The following IGSF10 variants were observed in gnomAD, a reference collection of about 807,000 sequenced individuals.
IGSF10 encodes calvaria mechanical force protein 608.
A neutral mutation model predicts 128.2 loss-of-function variants in IGSF10; 126 were observed. The ratio of observed to expected loss-of-function variants is 0.98; its 90% CI spans 0.85 to 1.14. The LOEUF is 1.14. Among genes scored for constraint, IGSF10 ranks in the 50% most tolerant of loss-of-function variants. The pLI is 0.00. For missense variants in IGSF10, 3,295 were observed against 3,149.8 expected, an observed-to-expected ratio of 1.05 and a Z score of -1.10; for synonymous variants, 1,185 against 1,146.2, an observed-to-expected ratio of 1.03 and a Z score of -0.68.
rs1721386292 is a variant in IGSF10, at chr3:151,449,148, T to A, written c.833A>T (p.Gln278Leu). 1.2e-6 allele frequency: 2 copies of A among 1,614,082 alleles called. No homozygotes were observed. Among genetic ancestry groups the A allele is most frequent in the Admixed American group, 1.7e-5 (1 of 60,000 alleles). The change falls in exon 6 of 8, where the codon CAG (glutamine) becomes CTG (leucine). Residue 278 changes from glutamine to leucine, a missense_variant. Coordinates refer to ENST00000282466, the MANE Select transcript of IGSF10 (RefSeq NM_178822.5). Reference protein sequence around the residue: ...PLAMVSAAAFQCAKPTIDSSL... With the variant: ...PLAMVSAAAFLCAKPTIDSSL... ...TGAGTCAATGGTTGGCTTGGCACACTGGAAAGCTGCAGCTGAGACCATAGC... is the reference window on the plus strand; with the variant it reads ...TGAGTCAATGGTTGGCTTGGCACACAGGAAAGCTGCAGCTGAGACCATAGC...
At chr3:151,575,891 T>C in the IGSF10 span, among the ~76,000 whole-genome samples, 2 of 152,200 alleles carry the variant, frequency 1.3e-5, no homozygotes, top group African/African-American at 4.8e-5. Flanking sequence ...TATCAAGGCT[T>C]TCTTTGTGGA....
the IGSF10 span, among the ~76,000 whole-genome samples, chr3:151,559,260 G>T: frequency 6.6e-6 from 1 of 152,156 alleles, no homozygotes; most frequent in Non-Finnish European, 1.5e-5. Flanking sequence ...CCTGAAGGCA[G>T]AGTGTTTTCT....
chr3:151,612,842 T>C, the IGSF10 span, among the ~76,000 whole-genome samples: 11 of 152,036 alleles, frequency 7.2e-5, no homozygotes, highest in South Asian at 6.2e-4. Context: ...CCAACAAGCA[T>C]ATGAAAAAAA....
chr3:151,500,816 T>A, the IGSF10 span, among the ~76,000 whole-genome samples: 1 of 152,108 alleles, frequency 6.6e-6, no homozygotes, highest in African/African-American at 2.4e-5. Flanking sequence ...GTTGTCAAAC[T>A]CAAGGGAACA....
the IGSF10 span, among the ~76,000 whole-genome samples, chr3:151,524,597 G>A: frequency 1.3e-5 from 2 of 152,088 alleles, no homozygotes; most frequent in African/African-American, 4.8e-5. Context: ...TGAACCCAAA[G>A]AAGGAAACAA....
In IGSF10 at chr3:151,446,064, G is replaced by C; in HGVS notation, c.3917C>G (p.Ser1306Ter). 6.2e-7 allele frequency: 1 copy of C among 1,614,114 alleles called. No homozygotes were observed. The highest frequency in any genetic ancestry group is 1.3e-5 in the African/African-American group (1 of 75,022). Residue 1306 changes from serine (S) to a stop codon, truncating the protein, a stop_gained, in exon 6 of 8, where the codon TCA (serine) becomes TGA (stop). Coordinates refer to ENST00000282466, the MANE Select transcript of IGSF10 (RefSeq NM_178822.5). LOFTEE classifies it high-confidence loss of function. The stretch of plus-strand genomic sequence containing the variant: ...CGTTGATATGATGCTTTTTGTACTT[G>C]AGTCTTTGCTTATAATACTAGGAAG... ...PMLPSIISKD[S>*]STKSIISTQT...
At chr3:151,604,886 T>C in the IGSF10 span, among the ~76,000 whole-genome samples, 1 of 152,184 alleles carries the variant, frequency 6.6e-6, no homozygotes, top group African/African-American at 2.4e-5. Flanking sequence ...AATATTTTTG[T>C]CATACAATCA....
the IGSF10 span, among the ~76,000 whole-genome samples, chr3:151,581,020 A>G: frequency 6.6e-6 from 1 of 152,110 alleles, no homozygotes; most frequent in Admixed American, 6.5e-5. Flanking sequence ...CTTTTATCAT[A>G]GCAGAAAAAG....
At chr3:151,606,172 G>C in the IGSF10 span, among the ~76,000 whole-genome samples, 1 of 152,076 alleles carries the variant, frequency 6.6e-6, no homozygotes, top group Non-Finnish European at 1.5e-5. Flanking sequence ...CTCTATGATT[G>C]CATATTTGAT....
In IGSF10 at chr3:151,446,005, G is replaced by A. The variant is rs767185600; in HGVS notation, c.3976C>T (p.Pro1326Ser). 28 of 1,614,144 alleles carry A rather than the reference G, an allele frequency of 1.7e-5. No homozygotes were observed. Among genetic ancestry groups the A allele is most frequent in the Non-Finnish European group, 2.4e-5 (28 of 1,180,022 alleles). ...TAIPATTPTFPASVITYETQT... is the reference protein window; with the variant it reads ...TAIPATTPTFSASVITYETQT... The stretch of plus-strand genomic sequence containing the variant: ...GTTTCATAAGTGATGACAGATGCAG[G>A]GAAGGTAGGAGTTGTTGCTGGTATT... The change falls in exon 6 of 8, where the codon CCT (proline) becomes TCT (serine). Residue 1326 changes from proline (P) to serine (S), a missense_variant. Pro to Ser is a moderately conservative substitution (Grantham distance 74, BLOSUM62 -1). Coordinates refer to ENST00000282466, the MANE Select transcript of IGSF10 (RefSeq NM_178822.5).
At chr3:151,575,694 C>T in the IGSF10 span, among the ~76,000 whole-genome samples, 1 of 152,184 alleles carries the variant, frequency 6.6e-6, no homozygotes, top group African/African-American at 2.4e-5. Context: ...TGAGGCGATG[C>T]CCTACCGTGC....
chr3:151,442,117 A>C (rs1175705349), intron 7 of IGSF10, among the ~76,000 whole-genome samples: 1 of 152,174 alleles, frequency 6.6e-6, no homozygotes, highest in African/African-American at 2.4e-5. Context: ...GTATTTGTAT[A>C]TATGTGTCTC....
Position 151,443,456 on chromosome 3 carries a change from G to GT in IGSF10, c.5490dup (p.Leu1831ThrfsTer4). The GT allele has an allele frequency of 6.2e-7, 1 of 1,614,228 alleles. No homozygotes were observed. The highest frequency in any genetic ancestry group is 8.5e-7 in the Non-Finnish European group (1 of 1,180,046). ...GCAATGACTTGTATTTTAACCAGCA[G>GT]TGAATCCTGGCCACCTGGGTTGCTG... On this transcript the variant is annotated frameshift_variant, in exon 7 of 8. Transcript: ENST00000282466. LOFTEE classifies it high-confidence loss of function.
At chr3:151,440,782 G>C (rs1217009179) in intron 7 of IGSF10, 1 of 360,918 alleles carries the variant, frequency 2.8e-6, no homozygotes, top group African/African-American at 2.1e-5. Context: ...AGGATTCTTA[G>C]AATTTTCCGG....
chr3:151,506,549 G>A, the IGSF10 span, among the ~76,000 whole-genome samples: 5 of 152,168 alleles, frequency 3.3e-5, no homozygotes, highest in South Asian at 1.0e-3. Context: ...TTATATAAGA[G>A]GTCATACTTT....
chr3:151,564,086 C>T, the IGSF10 span, among the ~76,000 whole-genome samples: 13 of 152,182 alleles, frequency 8.5e-5, no homozygotes, highest in Admixed American at 2.0e-4. Context: ...AAAGAATATT[C>T]TGTTTCATAG....
the IGSF10 span, among the ~76,000 whole-genome samples, chr3:151,543,030 T>C: frequency 6.6e-6 from 1 of 152,252 alleles, no homozygotes; most frequent in Non-Finnish European, 1.5e-5. Context: ...AGCTCATTTA[T>C]AAAATCTCTC....
At chr3:151,435,018 G>C (rs372648866), downstream of IGSF10, 1 of 147,716 alleles carries the variant, frequency 6.8e-6, no homozygotes, top group African/African-American at 2.5e-5. Context: ...AATTACTTTA[G>C]TCTTCAGATT....
the IGSF10 span, among the ~76,000 whole-genome samples, chr3:151,526,365 G>A: frequency 6.6e-6 from 1 of 151,540 alleles, no homozygotes; most frequent in African/African-American, 2.4e-5. Context: ...CCATAAATTG[G>A]TAATCTTTAG....
Sources: gnomAD v4.1 joint callset for allele counts (sites outside exome capture counted in the v4.1 genomes callset) on GRCh38, gnomAD v4.1.1 for gene constraint, MANE v1.5 for transcripts, NCBI Gene and HGNC (gene_info 2026-07-23, HGNC 2026-07-21) for gene names.